The following SEMA6A variants were observed in gnomAD, a reference collection of about 807,000 sequenced individuals.
The protein encoded by SEMA6A is semaphorin-6A.
Under a neutral mutation model 96.8 loss-of-function variants are expected in SEMA6A, and 25 were observed. The ratio of observed to expected loss-of-function variants is 0.26; its 90% CI spans 0.19 to 0.36. The LOEUF (loss-of-function observed/expected upper bound fraction) is 0.36. Among genes scored for constraint, SEMA6A ranks in the 10% least tolerant of loss-of-function variants. The pLI, the probability that SEMA6A is intolerant of heterozygous loss-of-function variation, is 1.00. For synonymous variants in SEMA6A, 612 were observed against 518.0 expected (o/e 1.18, Z -2.46); for missense variants, 1,363 against 1,323.1 (o/e 1.03, Z -0.47).
rs115431230 is a variant in SEMA6A, at chr5:116,544,778, A to G, written c.-39+29407T>C. Among the ~76,000 whole-genome samples the G allele has an allele frequency of 3.6e-3, 550 of 152,358 alleles. 3 individuals carry two copies. The highest frequency in any genetic ancestry group is 0.013 in the African/African-American group (522 of 41,580). On this transcript the variant is annotated intron_variant, in intron 1 of 18. Transcript: ENST00000343348. Reference sequence around the variant, plus strand: ...TCACCCTCCACTGATAGAGGCAACTATGCCAGGGGGAAAACAGTTTATTTA... The same window carrying G: ...TCACCCTCCACTGATAGAGGCAACTGTGCCAGGGGGAAAACAGTTTATTTA...
At chr5:116,522,812 T>C (rs1561515258) in intron 1 of SEMA6A, among the ~76,000 whole-genome samples, 1 of 152,156 alleles carries the variant, frequency 6.6e-6, no homozygotes, top group Non-Finnish European at 1.5e-5. Flanking sequence ...CCTTTCTTCC[T>C]GTTCATTTCC....
chr5:116,535,819 C>T (rs1414844613), intron 1 of SEMA6A, among the ~76,000 whole-genome samples: 2 of 152,208 alleles, frequency 1.3e-5, no homozygotes, highest in Non-Finnish European at 2.9e-5. Flanking sequence ...TTCAACAATT[C>T]AGATTTTCAT....
chr5:116,471,602 A>G (rs903805311), intron 17 of SEMA6A: 20 of 152,152 alleles, frequency 1.3e-4, no homozygotes, highest in Non-Finnish European at 2.8e-4. Context: ...TTGGTGTTCA[A>G]TATTCTGGTT....
intron 1 of SEMA6A, among the ~76,000 whole-genome samples, chr5:116,519,687 A>ACACG (rs1554089709): frequency 4.0e-5 from 6 of 149,992 alleles, no homozygotes; most frequent in Admixed American, 1.3e-4. Context: ...ACACACACAC[A>ACACG]CACACGCACA....
At chr5:116,509,607 T>TGAGAGAGAGAGA (rs113431602) in intron 1 of SEMA6A, among the ~76,000 whole-genome samples, 1 of 150,562 alleles carries the variant, frequency 6.6e-6, no homozygotes, top group East Asian at 2.0e-4. Context: ...TCTGTGTGTG[T>TGAGAGAGAGAGA]GAGAGAGAGA....
chr5:116,495,720 A>G lies in SEMA6A; in HGVS notation c.343-206T>C, dbSNP rs1561496507. The G allele has an allele frequency of 5.8e-6, 3 of 513,792 alleles. No homozygotes were observed. The South Asian group carries it at 7.5e-5, about 13-fold the overall frequency. The allele number at this position is 513,792 out of a possible 1,614,324, so 31.8% of individuals were successfully genotyped here. On this transcript the variant is annotated intron_variant, in intron 5 of 18. Coordinates refer to ENST00000343348, the MANE Select transcript of SEMA6A (RefSeq NM_020796.5). ...CTTTCAACGTAAATAAAAACAAAGC[A>G]TAGAATGGAAGATTGTGTGTTTATT...
At position 116,446,973 on chromosome 5, in the gene SEMA6A, G is replaced by T; in HGVS notation, c.2733C>A (p.Ser911=). 6.2e-7 allele frequency: 1 copy of T among 1,613,944 alleles called. No homozygotes were observed. The highest frequency in any genetic ancestry group is 8.5e-7 in the Non-Finnish European group (1 of 1,179,878). Residue 911 remains serine (S), a synonymous_variant, in exon 19 of 19, where the codon TCC becomes TCA. Coordinates refer to ENST00000343348, the MANE Select transcript of SEMA6A (RefSeq NM_020796.5). Reference sequence around the variant, plus strand: ...AGCTCCTCTTATAGTCAACCCCGTAGGAAGAGGAGTGGTGCATTTCCAGCC... The same window carrying T: ...AGCTCCTCTTATAGTCAACCCCGTATGAAGAGGAGTGGTGCATTTCCAGCC... The part of the protein sequence containing the change: ...SKRLEMHHSS[S]YGVDYKRSYP...
At chr5:116,534,683 G>A (rs1759633051) in intron 1 of SEMA6A, among the ~76,000 whole-genome samples, 1 of 152,212 alleles carries the variant, frequency 6.6e-6, no homozygotes, top group South Asian at 2.1e-4. Flanking sequence ...AGAAGCTGTA[G>A]TGGGAAATGA....
At chr5:116,553,394 G>A (rs1191705154) in intron 1 of SEMA6A, among the ~76,000 whole-genome samples, 3 of 152,194 alleles carry the variant, frequency 2.0e-5, no homozygotes, top group East Asian at 1.9e-4. Flanking sequence ...TGTCATTAGC[G>A]TCTATTTAAT....
At chr5:116,451,671 T>C (rs1415574245) in intron 18 of SEMA6A, among the ~76,000 whole-genome samples, 2 of 152,312 alleles carry the variant, frequency 1.3e-5, no homozygotes, top group South Asian at 2.1e-4. Context: ...CAATACATTG[T>C]AGAGCTATTT....
chr5:116,541,888 C>A (rs1759982685), intron 1 of SEMA6A, among the ~76,000 whole-genome samples: 1 of 152,160 alleles, frequency 6.6e-6, no homozygotes, highest in South Asian at 2.1e-4. Context: ...TAACATTTTA[C>A]ACATGAATGG....
intron 18 of SEMA6A, among the ~76,000 whole-genome samples, chr5:116,467,246 G>A (rs989857981): frequency 2.0e-5 from 3 of 152,108 alleles, no homozygotes; most frequent in African/African-American, 7.2e-5. Context: ...ACATTATGGT[G>A]GGAAAAGACG....
intron 13 of SEMA6A, 25 bp downstream of exon 13, chr5:116,478,517 A>G: frequency 1.3e-6 from 2 of 1,577,754 alleles, no homozygotes; most frequent in Non-Finnish European, 1.7e-6. Context: ...ATAATTACTA[A>G]GAAAGAACCA....
In SEMA6A at chr5:116,447,386, T is replaced by C; in HGVS notation, c.2320A>G (p.Ser774Gly). The C allele has an allele frequency of 6.2e-7, 1 of 1,614,038 alleles. No homozygotes were observed. The highest frequency in any genetic ancestry group is 8.5e-7 in the Non-Finnish European group (1 of 1,179,906). Residue 774 changes from serine to glycine, a missense_variant, in exon 19 of 19, where the codon AGC (serine) becomes GGC (glycine). Coordinates refer to ENST00000343348, the MANE Select transcript of SEMA6A (RefSeq NM_020796.5). ...LQQKRKPSRG[S>G]REWERNQNLI... ...TTCTGGTTCCTCTCCCACTCGCGGCTGCCGCGGCTGGGCTTCCGCTTCTGC... is the reference window on the plus strand; with the variant it reads ...TTCTGGTTCCTCTCCCACTCGCGGCCGCCGCGGCTGGGCTTCCGCTTCTGC...
At chr5:116,529,208 A>G (rs1051333676) in intron 1 of SEMA6A, among the ~76,000 whole-genome samples, 6 of 152,192 alleles carry the variant, frequency 3.9e-5, no homozygotes, top group Admixed American at 1.3e-4. Context: ...AGACACAGCT[A>G]TAAGAGAGTG....
intron 1 of SEMA6A, among the ~76,000 whole-genome samples, chr5:116,543,455 T>G (rs947990234): frequency 1.3e-5 from 2 of 152,258 alleles, no homozygotes; most frequent in Non-Finnish European, 2.9e-5. Flanking sequence ...CTTCTTAGAA[T>G]AATTCTCACT....
intron 18 of SEMA6A, among the ~76,000 whole-genome samples, chr5:116,456,332 C>T (rs1283010483): frequency 6.6e-6 from 1 of 152,148 alleles, no homozygotes; most frequent in Non-Finnish European, 1.5e-5. Context: ...TTCTCTAAAG[C>T]TTGAGACATG....
chr5:116,538,861 G>T (rs1336587674), intron 1 of SEMA6A, among the ~76,000 whole-genome samples: 1 of 152,078 alleles, frequency 6.6e-6, no homozygotes, highest in Non-Finnish European at 1.5e-5. Flanking sequence ...CACAACAGGG[G>T]CACCCTATTA....
At chr5:116,570,148 C>T (rs1349785427) in intron 1 of SEMA6A, among the ~76,000 whole-genome samples, 2 of 152,210 alleles carry the variant, frequency 1.3e-5, no homozygotes, top group East Asian at 1.9e-4. Flanking sequence ...TATGACATCT[C>T]ATTTGCCCAT....
Sources: gnomAD v4.1 joint callset for allele counts (sites outside exome capture counted in the v4.1 genomes callset) on GRCh38, gnomAD v4.1.1 for gene constraint, MANE v1.5 for transcripts, NCBI Gene and HGNC (gene_info 2026-07-23, HGNC 2026-07-21) for gene names.